The following SERPINA6 variants were observed in gnomAD, a reference collection of about 807,000 sequenced individuals.
SERPINA6 encodes corticosteroid-binding globulin.
A neutral mutation model predicts 26.4 loss-of-function variants in SERPINA6; 19 were observed. The ratio of observed to expected loss-of-function variants is 0.72; its 90% CI spans 0.50 to 1.06. The LOEUF is 1.06. Among genes scored for constraint, SERPINA6 ranks in the 50% least tolerant of loss-of-function variants. The pLI is 0.00. For missense variants in SERPINA6, 473 were observed against 504.0 expected (o/e 0.94, Z 0.59); for synonymous variants, 196 against 199.4 (o/e 0.98, Z 0.14).
At chr14:94,318,427 A>G (rs1895640854) in intron 1 of SERPINA6, among the ~76,000 whole-genome samples, 1 of 152,224 alleles carries the variant, frequency 6.6e-6, no homozygotes. Flanking sequence ...ATTTACTACA[A>G]AACTATAATA....
chr14:94,311,451 T>C (rs774587926), intron 2 of SERPINA6, among the ~76,000 whole-genome samples: 1 of 152,158 alleles, frequency 6.6e-6, no homozygotes. Context: ...GTATATAGTT[T>C]GACACAAAAC....
chr14:94,309,807 C>G lies in SERPINA6; in HGVS notation c.813G>C (p.Gly271=). The change falls in exon 3 of 5, where the codon GGG becomes GGC. Residue 271 remains glycine (G), a synonymous_variant. Transcript: ENST00000341584. ...GTGCAGCGATGACTGTGTTCATCTT[C>G]CCCTTGTCCGGAAGGATGAAGAAGA... ...GTVFFILPDK[G]KMNTVIAALS... is the part of the protein sequence containing the mutation. 6.2e-7 allele frequency: 1 copy of G among 1,614,174 alleles called. No individual in the cohort carries two copies. The highest frequency in any genetic ancestry group is 8.5e-7 in the Non-Finnish European group (1 of 1,180,026).
chr14:94,308,460 T>A (rs935442135), intron 3 of SERPINA6, among the ~76,000 whole-genome samples: 1 of 149,384 alleles, frequency 6.7e-6, no homozygotes, highest in Non-Finnish European at 1.5e-5. Flanking sequence ...AATGAATGAA[T>A]GAGTGAGTGA....
chr14:94,312,887 C>T (rs1277363123), intron 2 of SERPINA6, among the ~76,000 whole-genome samples: 2 of 152,188 alleles, frequency 1.3e-5, no homozygotes, highest in African/African-American at 4.8e-5. Flanking sequence ...ATCACATCTC[C>T]TCTGATCTGA....
chr14:94,317,623 T>G (rs1895630124), intron 1 of SERPINA6, among the ~76,000 whole-genome samples: 1 of 152,220 alleles, frequency 6.6e-6, no homozygotes, highest in Non-Finnish European at 1.5e-5. Flanking sequence ...GAGCCTAATC[T>G]TTCATGGCCA....
chr14:94,322,840 C>T (rs1481806952), intron 1 of SERPINA6, among the ~76,000 whole-genome samples: 3 of 152,134 alleles, frequency 2.0e-5, no homozygotes, highest in Admixed American at 6.5e-5. Flanking sequence ...TGCACTGGGC[C>T]AGCTGAGCCC....
At chr14:94,311,938 A>T (rs1174871788) in intron 2 of SERPINA6, among the ~76,000 whole-genome samples, 2 of 151,902 alleles carry the variant, frequency 1.3e-5, no homozygotes, top group Non-Finnish European at 2.9e-5. Flanking sequence ...ACTGAGCAAG[A>T]CTCCGTCTCA....
At chr14:94,309,621 C>G in intron 3 of SERPINA6, 115 bp downstream of exon 3, 1 of 1,235,088 alleles carries the variant, frequency 8.1e-7, no homozygotes, top group South Asian at 1.2e-5. Flanking sequence ...GAAAACTGAG[C>G]CCTGGAGGGT....
intron 2 of SERPINA6, among the ~76,000 whole-genome samples, chr14:94,313,102 G>T (rs538272726): frequency 6.6e-6 from 1 of 152,330 alleles, no homozygotes; most frequent in South Asian, 2.1e-4. Context: ...TCTTTCCTGG[G>T]TGACTCTGGG....
Position 94,314,259 on chromosome 14 carries a change from G to A in SERPINA6, c.390C>T (p.Ala130=). 6.2e-7 allele frequency: 1 copy of A among 1,614,204 alleles called. No homozygotes were observed. Among genetic ancestry groups the A allele is most frequent in the Non-Finnish European group, 8.5e-7 (1 of 1,180,048 alleles). ...ACTCCAGGCTGCCATCAAGAAACAA[G>A]GCATTGCCCATGGTCATTTCTAAGC... ...DTSLEMTMGN[A]LFLDGSLELL... Residue 130 remains alanine, a synonymous_variant, in exon 2 of 5, where the codon GCC becomes GCT. Coordinates refer to ENST00000341584, the MANE Select transcript of SERPINA6 (RefSeq NM_001756.4).
intron 2 of SERPINA6, 30 bp from the exon 3 acceptor site, chr14:94,310,036 G>A (rs1895505684): frequency 6.2e-7 from 1 of 1,612,450 alleles, no homozygotes; most frequent in Non-Finnish European, 8.5e-7. Flanking sequence ...GGTCTGTAGG[G>A]CAGAGAGGAA....
At chr14:94,320,039 G>T (rs939226270) in intron 1 of SERPINA6, among the ~76,000 whole-genome samples, 3 of 152,152 alleles carry the variant, frequency 2.0e-5, no homozygotes, top group Non-Finnish European at 2.9e-5. Flanking sequence ...TCCACCCAAG[G>T]TTGGAATCAG....
At chr14:94,310,277 C>G (rs1004294978) in intron 2 of SERPINA6, among the ~76,000 whole-genome samples, 11 of 152,094 alleles carry the variant, frequency 7.2e-5, no homozygotes, top group Admixed American at 2.6e-4. Context: ...GGGTACTGGT[C>G]CTTGGATTTG....
rs111642245 is a variant in SERPINA6, at chr14:94,319,824, G to A, written c.-20+3443C>T. 2.2e-3 allele frequency among the ~76,000 whole-genome samples: 340 copies of A among 152,318 alleles called. 2 individuals are homozygous for A. Among genetic ancestry groups the A allele is most frequent in the African/African-American group, 7.5e-3 (311 of 41,570 alleles). On this transcript the variant is annotated intron_variant, in intron 1 of 4. Coordinates refer to ENST00000341584, the MANE Select transcript of SERPINA6 (RefSeq NM_001756.4). ...CGGGAGATTGGGGAGTTATTGTTGA[G>A]TGGGTATAGAGTTTCAGTCTGGGAT...
chr14:94,304,404 G>C lies in SERPINA6; in HGVS notation c.*14C>G, dbSNP rs1179384927. 2.5e-6 allele frequency: 4 copies of C among 1,613,380 alleles called. No individual in the cohort carries two copies. The Admixed American group carries it at 6.7e-5, about 27-fold the overall frequency. ...CAAAGTCAGACAGTGCTGAGGCTCTGGGTGGGTGGTCTCTTACACTGGGTT... is the reference window on the plus strand; with the variant it reads ...CAAAGTCAGACAGTGCTGAGGCTCTCGGTGGGTGGTCTCTTACACTGGGTT... On this transcript the variant is annotated 3_prime_UTR_variant, in exon 5 of 5. Transcript: ENST00000341584.
intron 3 of SERPINA6, among the ~76,000 whole-genome samples, chr14:94,307,192 A>G (rs1400557550): frequency 6.6e-6 from 1 of 152,176 alleles, no homozygotes; most frequent in African/African-American, 2.4e-5. Context: ...CACCTGGTCT[A>G]TGTTCTTTAC....
At chr14:94,304,684 A>G (rs948228859) in intron 4 of SERPINA6, 81 bp from the exon 5 acceptor site, 2 of 1,254,038 alleles carry the variant, frequency 1.6e-6, no homozygotes, top group African/African-American at 1.5e-5. Flanking sequence ...GACCCTTCAC[A>G]TCCTTGGTTT....
chr14:94,307,214 CCT>C (rs764466317), intron 3 of SERPINA6, among the ~76,000 whole-genome samples: 3 of 151,704 alleles, frequency 2.0e-5, no homozygotes, highest in South Asian at 2.1e-4. Flanking sequence ...TTTTTTTTCT[CCT>C]CTCTCTGTCT....
At chr14:94,310,713 G>T (rs1432660511) in intron 2 of SERPINA6, among the ~76,000 whole-genome samples, 1 of 152,152 alleles carries the variant, frequency 6.6e-6, no homozygotes, top group Admixed American at 6.5e-5. Flanking sequence ...CTGCCTGATT[G>T]TCCGCCACCA....
Sources: allele counts gnomAD v4.1 joint callset (sites outside exome capture counted in the v4.1 genomes callset), GRCh38; gene constraint gnomAD v4.1.1; transcripts MANE v1.5; gene names NCBI Gene and HGNC (gene_info 2026-07-23, HGNC 2026-07-21).